Variants in HAPSTR1 observed in about 807,000 individuals in gnomAD.
HAPSTR1 encodes HUWE1-associated protein modifying stress responses 1.
At chr16:9,095,120 T>C in the HAPSTR1 span, among the ~76,000 whole-genome samples, 3 of 152,246 alleles carry the variant, frequency 2.0e-5, no homozygotes, top group African/African-American at 7.2e-5. Context: ...TCTGAACTAG[T>C]TTTATTTTGT....
the HAPSTR1 span, chr16:9,116,996 G>A: frequency 4.6e-5 from 71 of 1,549,678 alleles, no homozygotes; most frequent in Middle Eastern, 2.4e-4. Flanking sequence ...GAAACATGAG[G>A]CCATCTTCCC....
the HAPSTR1 span, among the ~76,000 whole-genome samples, chr16:9,100,910 CCT>C: frequency 2.0e-5 from 3 of 152,034 alleles, no homozygotes; most frequent in East Asian, 1.9e-4. Flanking sequence ...GACTTTTTTT[CCT>C]CTGTTTCTGC....
At chr16:9,116,853 G>T in the HAPSTR1 span, 6 of 1,614,052 alleles carry the variant, frequency 3.7e-6, no homozygotes, top group African/African-American at 8.0e-5. Flanking sequence ...GCGTACCTCA[G>T]CCCAGTGTGG....
the HAPSTR1 span, among the ~76,000 whole-genome samples, chr16:9,100,754 C>G: frequency 6.6e-6 from 1 of 152,044 alleles, no homozygotes; most frequent in African/African-American, 2.4e-5. Context: ...AGGCTGGTCT[C>G]GAACTCCTGA....
At chr16:9,094,513 T>C in the HAPSTR1 span, among the ~76,000 whole-genome samples, 2 of 152,046 alleles carry the variant, frequency 1.3e-5, no homozygotes, top group Non-Finnish European at 2.9e-5. Context: ...AAGTAGAATA[T>C]ATCTATCACC....
the HAPSTR1 span, among the ~76,000 whole-genome samples, chr16:9,099,201 T>C: frequency 6.6e-6 from 1 of 151,948 alleles, no homozygotes; most frequent in Non-Finnish European, 1.5e-5. Context: ...TCATTTTCTT[T>C]TTTTTTTCTT....
chr16:9,109,368 G>A, the HAPSTR1 span: 1 of 152,190 alleles, frequency 6.6e-6, no homozygotes, highest in Non-Finnish European at 1.5e-5. Context: ...CCGATGCCAA[G>A]TCAGACTTCA....
chr16:9,097,460 C>A, the HAPSTR1 span, among the ~76,000 whole-genome samples: 3 of 152,146 alleles, frequency 2.0e-5, no homozygotes, highest in Non-Finnish European at 4.4e-5. Flanking sequence ...CCAGGCTGGT[C>A]TCCTGAGCTC....
At chr16:9,111,708 C>T in the HAPSTR1 span, 2 of 152,116 alleles carry the variant, frequency 1.3e-5, no homozygotes, top group Non-Finnish European at 2.9e-5. Context: ...GATATTCATT[C>T]AAGTTCAATT....
chr16:9,092,055 G>A, the HAPSTR1 span: 9 of 1,523,550 alleles, frequency 5.9e-6, no homozygotes, highest in South Asian at 7.4e-5. Flanking sequence ...ATGGAGGAGC[G>A]GAAGGAGGAG....
the HAPSTR1 span, among the ~76,000 whole-genome samples, chr16:9,097,665 T>G: frequency 6.6e-6 from 1 of 152,242 alleles, no homozygotes; most frequent in East Asian, 1.9e-4. Flanking sequence ...ATTGACTTAA[T>G]TGAGCAGCCC....
chr16:9,111,656 C>G, the HAPSTR1 span: 1 of 152,110 alleles, frequency 6.6e-6, no homozygotes, highest in Non-Finnish European at 1.5e-5. Flanking sequence ...TAGCATGCCT[C>G]AAAGCCAGGT....
At chr16:9,095,359 G>C in the HAPSTR1 span, among the ~76,000 whole-genome samples, 2 of 152,176 alleles carry the variant, frequency 1.3e-5, no homozygotes, top group East Asian at 3.9e-4. Context: ...TTAGCAAGGT[G>C]GTGTCACAAG....
chr16:9,117,019 T>G, the HAPSTR1 span: 2 of 1,477,438 alleles, frequency 1.4e-6, no homozygotes, highest in South Asian at 2.6e-5. Context: ...GTTCACTGTT[T>G]AAGACAAGTG....
At chr16:9,117,671 C>T in the HAPSTR1 span, 1 of 152,550 alleles carries the variant, frequency 6.6e-6, no homozygotes, top group Non-Finnish European at 1.5e-5. Flanking sequence ...ATGCGGGGTA[C>T]TTTCCTTATG....
chr16:9,104,114 CTTT>C, the HAPSTR1 span: 705 of 136,708 alleles, frequency 5.2e-3, 5 homozygotes, highest in African/African-American at 0.017. Context: ...TCCTTTTTTT[CTTT>C]TTTTTTTTTT....
chr16:9,095,506 A>G, the HAPSTR1 span, among the ~76,000 whole-genome samples: 1 of 152,028 alleles, frequency 6.6e-6, no homozygotes, highest in Non-Finnish European at 1.5e-5. Context: ...TGTATTTTGT[A>G]TAATATCTGA....
chr16:9,111,843 T>C, the HAPSTR1 span: 2 of 152,246 alleles, frequency 1.3e-5, no homozygotes, highest in South Asian at 2.1e-4. Flanking sequence ...CATTTTCTTC[T>C]AGTCTTTTTT....
chr16:9,100,914 T>C, the HAPSTR1 span, among the ~76,000 whole-genome samples: 6 of 152,330 alleles, frequency 3.9e-5, no homozygotes, highest in African/African-American at 1.4e-4. Flanking sequence ...TTTTTTCCTC[T>C]GTTTCTGCAG....
Sources: gnomAD v4.1 joint callset for allele counts (sites outside exome capture counted in the v4.1 genomes callset) on GRCh38, gnomAD v4.1.1 for gene constraint, MANE v1.5 for transcripts, NCBI Gene and HGNC (gene_info 2026-07-23, HGNC 2026-07-21) for gene names.